The following ZSCAN5A variants were observed in gnomAD, a reference collection of about 807,000 sequenced individuals.
ZSCAN5A encodes the protein zinc finger and SCAN domain-containing protein 5A.
A neutral mutation model predicts 23.7 loss-of-function variants in ZSCAN5A; 12 were observed. The observed-to-expected ratio is 0.51, with a 90% CI of 0.32 to 0.82. The LOEUF (loss-of-function observed/expected upper bound fraction) is 0.82. Ranked by LOEUF, ZSCAN5A falls within the 40% of genes least tolerant of loss-of-function variation. The pLI is 0.03. For synonymous variants in ZSCAN5A, 257 were observed against 239.9 expected (o/e 1.07, Z -0.66); for missense variants, 597 against 617.9 (o/e 0.97, Z 0.36).
intron 3 of ZSCAN5A, among the ~76,000 whole-genome samples, 196 bp from the exon 4 acceptor site, chr19:56,224,030 C>T (rs2033629410): frequency 6.6e-6 from 1 of 151,680 alleles, no homozygotes; most frequent in South Asian, 2.1e-4. Flanking sequence ...CCTGCCTGCG[C>T]CTGGAATATT....
chr19:56,286,510 G>A (rs3205192), intron 2 of ZSCAN5A: 66,837 of 151,974 alleles, frequency 0.44, 15,596 homozygotes, highest in Admixed American at 0.52. Flanking sequence ...GCTTTATACC[G>A]CTTGAGTAAG....
intron 2 of ZSCAN5A, among the ~76,000 whole-genome samples, chr19:56,268,677 T>C (rs973111119): frequency 1.3e-5 from 2 of 152,300 alleles, no homozygotes; most frequent in African/African-American, 4.8e-5. Flanking sequence ...AAGTGTACAA[T>C]TCAGTGGCCT....
chr19:56,315,474 C>G (rs2041290451), upstream of ZSCAN5A: 1 of 152,220 alleles, frequency 6.6e-6, no homozygotes, highest in South Asian at 2.1e-4. Flanking sequence ...CAGATTCCAC[C>G]CTATTCTCTG....
Position 56,262,596 on chromosome 19 carries a change from A to C in ZSCAN5A, c.-127-37423T>G, listed in dbSNP as rs142473081. ...AGGCACCCACCACCATGCCCGGCTA[A>C]TTTTTTTGTGTCTTTAGTAGAGACG... On this transcript the variant is annotated intron_variant, in intron 2 of 5. Coordinates refer to ENST00000683990, the MANE Select transcript of ZSCAN5A (RefSeq NM_001322064.3). Among the ~76,000 whole-genome samples the C allele has an allele frequency of 2.0e-4, 31 of 151,462 alleles. No individual in the cohort carries two copies. The East Asian group carries it at 6.1e-3, about 30-fold the overall frequency.
At chr19:56,243,831 G>T (rs1319788925) in intron 2 of ZSCAN5A, among the ~76,000 whole-genome samples, 1 of 150,818 alleles carries the variant, frequency 6.6e-6, no homozygotes, top group Admixed American at 6.6e-5. Flanking sequence ...TGCTGCTGAA[G>T]AAGTGGCGTC....
intron 2 of ZSCAN5A, among the ~76,000 whole-genome samples, chr19:56,272,300 G>A (rs144128840): frequency 3.7e-4 from 56 of 152,244 alleles, no homozygotes; most frequent in Non-Finnish European, 6.6e-4. Flanking sequence ...ATAAAGGGCC[G>A]GACAGTAAAT....
At chr19:56,226,162 A>C (rs1017038839) in intron 2 of ZSCAN5A, among the ~76,000 whole-genome samples, 2 of 152,020 alleles carry the variant, frequency 1.3e-5, no homozygotes, top group Non-Finnish European at 2.9e-5. Context: ...GGGAGAAAAA[A>C]CTGGCAGAAG....
At chr19:56,342,622 T>G (rs2041602166) in intron 2 of ZSCAN5A, 2 of 462,872 alleles carry the variant, frequency 4.3e-6, no homozygotes, top group East Asian at 8.8e-5. Context: ...CTTCCTTGAT[T>G]AGGGAAAAAA....
chr19:56,353,544 C>T (rs1002279993), intron 2 of ZSCAN5A, among the ~76,000 whole-genome samples: 40 of 151,854 alleles, frequency 2.6e-4, no homozygotes, highest in African/African-American at 9.4e-4. Flanking sequence ...CCGAGGCGGG[C>T]GAATCAGGAG....
intron 2 of ZSCAN5A, chr19:56,228,292 T>C: frequency 3.0e-6 from 3 of 985,388 alleles, no homozygotes; most frequent in Non-Finnish European, 3.6e-6. Context: ...CGGTCTGGGA[T>C]GCGCTCTCCA....
intron 2 of ZSCAN5A, among the ~76,000 whole-genome samples, chr19:56,238,345 T>C (rs1295417807): frequency 6.6e-6 from 1 of 152,134 alleles, no homozygotes; most frequent in Admixed American, 6.5e-5. Context: ...TTGATTGTAG[T>C]ATAATTACAC....
intron 2 of ZSCAN5A, among the ~76,000 whole-genome samples, chr19:56,272,287 T>C (rs2037905771): frequency 1.3e-5 from 2 of 152,348 alleles, no homozygotes; most frequent in South Asian, 4.1e-4. Flanking sequence ...ACAAACGTTT[T>C]CTATAAAGGG....
At position 56,222,175 on chromosome 19, in the gene ZSCAN5A, G is replaced by T; in HGVS notation, c.891C>A (p.Pro297=). 6.2e-7 allele frequency: 1 copy of T among 1,613,972 alleles called. No homozygotes were observed. The highest frequency in any genetic ancestry group is 8.5e-7 in the Non-Finnish European group (1 of 1,179,998). Residue 297 remains proline, a synonymous_variant, in exon 6 of 6, where the codon CCC becomes CCA. Transcript: ENST00000683990. ...AGGAGGCATCTGGTTTGCTTCTTTT[G>T]GGACTGCTCAGATTCAGAGCGTCTC... ...NRGDALNLSS[P]KRSKPDASSI...
chr19:56,240,907 G>C (rs1256902816), intron 2 of ZSCAN5A, among the ~76,000 whole-genome samples: 5 of 152,160 alleles, frequency 3.3e-5, no homozygotes, highest in Admixed American at 3.3e-4. Context: ...TGGGGTCTCG[G>C]TATGTTGCAC....
chr19:56,237,629 C>A (rs1010515160), intron 2 of ZSCAN5A, among the ~76,000 whole-genome samples: 7 of 151,996 alleles, frequency 4.6e-5, no homozygotes, highest in Admixed American at 2.6e-4. Flanking sequence ...CTGAGAAGAT[C>A]GATTATGGGC....
At chr19:56,328,063 T>C (rs142267280) in intron 2 of ZSCAN5A, among the ~76,000 whole-genome samples, 7 of 152,282 alleles carry the variant, frequency 4.6e-5, no homozygotes, top group African/African-American at 1.4e-4. Flanking sequence ...TCAACATTTA[T>C]GGTAGTGGTC....
intron 2 of ZSCAN5A, among the ~76,000 whole-genome samples, chr19:56,249,547 C>T (rs565554858): frequency 1.2e-4 from 19 of 152,344 alleles, no homozygotes; most frequent in African/African-American, 4.6e-4. Flanking sequence ...GCTGGGATTA[C>T]ATGAGCACGA....
At chr19:56,259,421 G>A (rs141324252) in intron 2 of ZSCAN5A, among the ~76,000 whole-genome samples, 3 of 152,152 alleles carry the variant, frequency 2.0e-5, no homozygotes, top group Non-Finnish European at 4.4e-5. Context: ...CGATTTCCCT[G>A]GGATCTCAGT....
chr19:56,350,833 T>G (rs1484682487), intron 2 of ZSCAN5A, among the ~76,000 whole-genome samples: 2 of 152,042 alleles, frequency 1.3e-5, no homozygotes, highest in Non-Finnish European at 2.9e-5. Context: ...AAGTTTAATA[T>G]TTTAATATTT....
Sources: gnomAD v4.1 joint callset for allele counts (sites outside exome capture counted in the v4.1 genomes callset) on GRCh38, gnomAD v4.1.1 for gene constraint, MANE v1.5 for transcripts, NCBI Gene and HGNC (gene_info 2026-07-23, HGNC 2026-07-21) for gene names.